Variants in NEK3 observed in about 807,000 individuals in gnomAD.
The protein encoded by NEK3 is serine/threonine-protein kinase Nek3.
In NEK3, 54 loss-of-function variants were observed where a neutral mutation model predicts 66.0. That is an observed-to-expected ratio of 0.82 (90% CI 0.66 to 1.03). The LOEUF (loss-of-function observed/expected upper bound fraction) is 1.03. NEK3 is among the 50% of genes least tolerant of loss of function. The pLI, the probability that NEK3 is intolerant of heterozygous loss-of-function variation, is 0.00. For synonymous variants in NEK3, 200 were observed against 206.2 expected (o/e 0.97, Z 0.26); for missense variants, 593 against 603.0 (o/e 0.98, Z 0.17).
Position 52,151,175 on chromosome 13 carries a change from A to T in NEK3, c.519T>A (p.Ile173=). ...TATTGTTATAAGGCAGGTTTTCCCAAATTTCTGGAGGCACATAATAAGGAG... is the reference window on the plus strand; with the variant it reads ...TATTGTTATAAGGCAGGTTTTCCCATATTTCTGGAGGCACATAATAAGGAG... ...VGTPYYVPPE[I]WENLPYNNKS... Residue 173 remains isoleucine, a synonymous_variant, in exon 7 of 16, where the codon ATT becomes ATA. Coordinates refer to ENST00000610828, the MANE Select transcript of NEK3 (RefSeq NM_002498.3). The T allele has an allele frequency of 6.2e-7, 1 of 1,610,110 alleles. No individual in the cohort carries two copies. The highest frequency in any genetic ancestry group is 8.5e-7 in the Non-Finnish European group (1 of 1,178,272).
At position 52,143,943 on chromosome 13, in the gene NEK3, A is replaced by AT. The variant is rs1211987774; in HGVS notation, c.848dup (p.Asn283LysfsTer5). Reference sequence around the variant, plus strand: ...TTTTTCTTGGTGTGTTATGCTTCGAATTTTTTATTTCTTCTAATACTTCCT... The same window carrying AT: ...TTTTTCTTGGTGTGTTATGCTTCGAATTTTTTTATTTCTTCTAATACTTCCT... On this transcript the variant is annotated frameshift_variant, in exon 10 of 16. Transcript: ENST00000610828. LOFTEE classifies it high-confidence loss of function. 2 of 1,504,700 alleles carry AT rather than the reference A, an allele frequency of 1.3e-6. No individual in the cohort carries two copies. The highest frequency in any genetic ancestry group is 4.9e-5 in the East Asian group (2 of 40,516). 93.2% of individuals were successfully genotyped at this position (1,504,700 alleles called of 1,614,324 possible).
intron 1 of NEK3, among the ~76,000 whole-genome samples, chr13:52,158,128 C>T (rs1956410557): frequency 6.6e-6 from 1 of 152,200 alleles, no homozygotes; most frequent in African/African-American, 2.4e-5. Context: ...CCGCCCGCCT[C>T]GGCCTCCCAA....
chr13:52,159,751 G>A (rs1243223021), upstream of NEK3: 2 of 152,288 alleles, frequency 1.3e-5, no homozygotes, highest in African/African-American at 4.8e-5. Context: ...TTAACATTGA[G>A]GGAAATTGTC....
intron 8 of NEK3, among the ~76,000 whole-genome samples, chr13:52,146,247 AAG>A (rs1956295046): frequency 6.6e-6 from 1 of 152,196 alleles, no homozygotes; most frequent in Non-Finnish European, 1.5e-5. Context: ...TAAAATTTAA[AAG>A]AAGTTTATTT....
chr13:52,150,669 AT>A (rs1956336761), intron 7 of NEK3, among the ~76,000 whole-genome samples: 1 of 84,170 alleles, frequency 1.2e-5, no homozygotes, highest in South Asian at 3.5e-4. Context: ...TTACCTTATA[AT>A]CTAGCCCTAT....
At chr13:52,137,796 A>G (rs1956217301) in intron 11 of NEK3, among the ~76,000 whole-genome samples, 1 of 151,912 alleles carries the variant, frequency 6.6e-6, no homozygotes, top group Non-Finnish European at 1.5e-5. Flanking sequence ...GCGCTATTCA[A>G]CTCTGCCTTC....
chr13:52,156,201 T>A lies in NEK3; in HGVS notation c.-10A>T. ...CCATGTAGTCATCCATGCTGGGGCATCCACACAGCTGGGCTCCACTCACGC... is the reference window on the plus strand; with the variant it reads ...CCATGTAGTCATCCATGCTGGGGCAACCACACAGCTGGGCTCCACTCACGC... On this transcript the variant is annotated 5_prime_UTR_variant, in exon 2 of 16. The change abolishes an upstream ATG in the 5' untranslated region. Transcript: ENST00000610828. 6.5e-7 allele frequency: 1 copy of A among 1,534,108 alleles called. No homozygotes were observed. The highest frequency in any genetic ancestry group is 8.9e-7 in the Non-Finnish European group (1 of 1,119,622).
At chr13:52,159,038 C>A (rs952024508) in intron 1 of NEK3, among the ~76,000 whole-genome samples, 3 of 152,204 alleles carry the variant, frequency 2.0e-5, no homozygotes, top group South Asian at 2.1e-4. Flanking sequence ...GATTTCATCC[C>A]CAGCCGGTCA....
At chr13:52,140,857 C>T (rs947923774) in intron 11 of NEK3, among the ~76,000 whole-genome samples, 163 bp downstream of exon 11, 1 of 151,672 alleles carries the variant, frequency 6.6e-6, no homozygotes, top group Non-Finnish European at 1.5e-5. Flanking sequence ...CTCTTGTCGC[C>T]CAGGCTGGAG....
intron 11 of NEK3, among the ~76,000 whole-genome samples, chr13:52,140,257 A>G (rs1409219709): frequency 6.7e-6 from 1 of 149,912 alleles, no homozygotes; most frequent in Non-Finnish European, 1.5e-5. Context: ...CAAGATTTTC[A>G]TGACTGAAAG....
intron 11 of NEK3, among the ~76,000 whole-genome samples, chr13:52,137,548 A>C (rs921726861): frequency 2.0e-5 from 3 of 152,228 alleles, no homozygotes; most frequent in Non-Finnish European, 4.4e-5. Flanking sequence ...ATTTCTAAGC[A>C]GTGGTTCTGA....
chr13:52,158,169 G>A (rs1714338980), intron 1 of NEK3, among the ~76,000 whole-genome samples: 1 of 152,172 alleles, frequency 6.6e-6, no homozygotes, highest in Non-Finnish European at 1.5e-5. Flanking sequence ...GAGCCACCCC[G>A]TCCGGCCCTA....
At chr13:52,137,940 G>A (rs1956218091) in intron 11 of NEK3, among the ~76,000 whole-genome samples, 1 of 152,204 alleles carries the variant, frequency 6.6e-6, no homozygotes, top group East Asian at 1.9e-4. Flanking sequence ...ACATATTGCT[G>A]TGTTCACTAC....
intron 11 of NEK3, among the ~76,000 whole-genome samples, chr13:52,138,493 T>C (rs1407829224): frequency 6.6e-6 from 1 of 152,224 alleles, no homozygotes; most frequent in Non-Finnish European, 1.5e-5. Flanking sequence ...TAGAGGTCTG[T>C]ATTCCATTTG....
At position 52,141,789 on chromosome 13, in the gene NEK3, T is replaced by C. The variant is rs564753541; in HGVS notation, c.878-720A>G. 7.9e-5 allele frequency among the ~76,000 whole-genome samples: 12 copies of C among 152,090 alleles called. No homozygotes were observed. The South Asian group carries it at 1.0e-3, about 13-fold the overall frequency. On this transcript the variant is annotated intron_variant, in intron 10 of 15. Coordinates refer to ENST00000610828, the MANE Select transcript of NEK3 (RefSeq NM_002498.3). ...CCTCTTTTTAGAAACTGTAACACTA[T>C]ACTTTTTTGGCCGGGTACGGTGGCT...
intron 11 of NEK3, among the ~76,000 whole-genome samples, chr13:52,138,363 A>G (rs1956222005): frequency 6.6e-6 from 1 of 152,208 alleles, no homozygotes; most frequent in Non-Finnish European, 1.5e-5. Flanking sequence ...TTATATGGAT[A>G]TTTAAATACC....
At chr13:52,146,928 T>C (rs1956299775) in intron 8 of NEK3, among the ~76,000 whole-genome samples, 1 of 152,160 alleles carries the variant, frequency 6.6e-6, no homozygotes, top group Non-Finnish European at 1.5e-5. Flanking sequence ...GTAAAAAAGC[T>C]AACCTTCAGC....
chr13:52,145,389 G>C (rs1287174003), intron 8 of NEK3, among the ~76,000 whole-genome samples: 1 of 152,038 alleles, frequency 6.6e-6, no homozygotes, highest in Non-Finnish European at 1.5e-5. Flanking sequence ...CTGCATCTTT[G>C]ACCTCCTGGG....
At chr13:52,136,682 A>G (rs963705245) in intron 12 of NEK3, 118 bp downstream of exon 12, 2 of 582,488 alleles carry the variant, frequency 3.4e-6, no homozygotes, top group Non-Finnish European at 5.9e-6. Context: ...ATAAGTTACT[A>G]GATAAGCAAA....
Sources: gnomAD v4.1 joint callset for allele counts (sites outside exome capture counted in the v4.1 genomes callset) on GRCh38, gnomAD v4.1.1 for gene constraint, MANE v1.5 for transcripts, NCBI Gene and HGNC (gene_info 2026-07-23, HGNC 2026-07-21) for gene names.